Variants in SUPT6H observed in about 807,000 individuals in gnomAD.
SUPT6H encodes the protein transcription elongation factor SPT6.
Under a neutral mutation model 222.3 loss-of-function variants are expected in SUPT6H, and 11 were observed. That is an observed-to-expected ratio of 0.05 (90% CI 0.03 to 0.08). SUPT6H has a LOEUF of 0.08. Ranked by LOEUF, SUPT6H falls within the 10% of genes least tolerant of loss-of-function variation. SUPT6H has a pLI of 1.00. For synonymous variants in SUPT6H, 762 were observed against 801.2 expected (o/e 0.95, Z 0.83); for missense variants, 1,422 against 2,216.0 (o/e 0.64, Z 7.19).
chr17:28,697,989 C>T lies in SUPT6H; in HGVS notation c.4407C>T (p.Pro1469=), dbSNP rs765033047. The change falls in exon 32 of 37, where the codon CCC becomes CCT. Residue 1469 remains proline (P), a synonymous_variant. Transcript: ENST00000314616. ...TCATCTGTGCCTGCAAGGAACTGCC[C>T]GGCAAGTTCCTACTGGGATACCAGC... ...PYFICACKEL[P]GKFLLGYQPR... is the part of the protein sequence containing the mutation. 6.2e-7 allele frequency: 1 copy of T among 1,613,364 alleles called. No homozygotes were observed. Among genetic ancestry groups the T allele is most frequent in the Non-Finnish European group, 8.5e-7 (1 of 1,180,020 alleles).
rs1437182717 is a variant in SUPT6H at position 28,674,068 on chromosome 17, A to G, written c.110-215A>G. Among the ~76,000 whole-genome samples, 3 of 152,232 alleles carry G rather than the reference A, an allele frequency of 2.0e-5. No homozygotes were observed. The East Asian group carries it at 5.8e-4, about 29-fold the overall frequency. ...GTGACGGGGAAGATCATCCTGCCCA[A>G]AGACAGATGGTGAATGTAGGGGAAG... On this transcript the variant is annotated intron_variant, in intron 2 of 36. Transcript: ENST00000314616.
intron 36 of SUPT6H, 69 bp downstream of exon 36, chr17:28,701,197 C>A: frequency 6.5e-7 from 1 of 1,528,880 alleles, no homozygotes. Flanking sequence ...GGCCGAAAGG[C>A]TTAGCAGAGG....
At chr17:28,665,048 A>G (rs1040753402) in intron 1 of SUPT6H, among the ~76,000 whole-genome samples, 1 of 152,070 alleles carries the variant, frequency 6.6e-6, no homozygotes, top group Non-Finnish European at 1.5e-5. Flanking sequence ...CCTCCAGTTC[A>G]TTTTCCATGT....
chr17:28,662,958 C>G (rs1367095085), intron 1 of SUPT6H, among the ~76,000 whole-genome samples: 3 of 152,182 alleles, frequency 2.0e-5, no homozygotes, highest in South Asian at 2.1e-4. Context: ...AGTCAAAACT[C>G]CATCTTCTAG....
At chr17:28,693,670 A>G (rs748251957) in intron 27 of SUPT6H, 26 bp from the exon 28 acceptor site, 5 of 1,613,800 alleles carry the variant, frequency 3.1e-6, no homozygotes, top group Admixed American at 1.7e-5. Flanking sequence ...TTGATAATCA[A>G]GCTCTTCTCC....
rs1224049633 is a variant in SUPT6H, at chr17:28,676,198, A to G, written c.665A>G (p.Asp222Gly). The G allele has an allele frequency of 1.2e-6, 2 of 1,609,828 alleles. No homozygotes were observed. The highest frequency in any genetic ancestry group is 3.4e-5 in the Admixed American group (2 of 59,144). The change falls in exon 7 of 37, where the codon GAC becomes GGC. Residue 222 changes from aspartate to glycine, a missense_variant. This residue lies in a region of SUPT6H where 389 missense variants were observed against 544.6 expected (regional missense o/e 0.71). Transcript: ENST00000314616. Reference protein sequence around the residue: ...EAQEIFGVDFDYDEFEKYNEY... With the variant: ...EAQEIFGVDFGYDEFEKYNEY... ...CAGGAAATCTTCGGTGTGGACTTTGACTATGATGAATTTGAGAAATACAAT... is the reference window on the plus strand; with the variant it reads ...CAGGAAATCTTCGGTGTGGACTTTGGCTATGATGAATTTGAGAAATACAAT...
chr17:28,676,794 G>A (rs971293362), intron 7 of SUPT6H, among the ~76,000 whole-genome samples: 3 of 151,960 alleles, frequency 2.0e-5, no homozygotes, highest in African/African-American at 7.3e-5. Context: ...GGTTGTGATG[G>A]TGCACACCTG....
At chr17:28,673,602 A>T in intron 2 of SUPT6H, 92 bp downstream of exon 2, 1 of 921,310 alleles carries the variant, frequency 1.1e-6, no homozygotes, top group Non-Finnish European at 1.7e-6. Flanking sequence ...CTCAGCACAG[A>T]AGTTATCACA....
rs2031510102 is a variant in SUPT6H at position 28,688,695 on chromosome 17, T to C, written c.3134+477T>C. ...TTGACCTCTTCCTCTCCAGAAGTTA[T>C]CAACTCAGTCTTTGGAGGATCTTTT... On this transcript the variant is annotated intron_variant, in intron 24 of 36. Transcript: ENST00000314616. This position sits in a 1 kb window ranked among gnomAD's most constrained non-coding sequence, Gnocchi z 4.3. The C allele has an allele frequency of 6.5e-6, 1 of 154,016 alleles. No homozygotes were observed. Among genetic ancestry groups the C allele is most frequent in the Admixed American group, 6.5e-5 (1 of 15,478 alleles). 9.5% of individuals were successfully genotyped at this position (154,016 alleles called of 1,614,324 possible). A position where few individuals can be genotyped will look rare whatever the true frequency, so the allele number is the denominator to read the frequency against.
chr17:28,693,861 C>G (rs189525348), intron 28 of SUPT6H, 25 bp downstream of exon 28: 5 of 1,613,896 alleles, frequency 3.1e-6, no homozygotes, highest in Non-Finnish European at 1.7e-6. Flanking sequence ...GTCCTAAGGT[C>G]GTAGTGCAAT....
intron 17 of SUPT6H, 24 bp downstream of exon 17, chr17:28,683,840 T>A (rs1202442404): frequency 6.6e-7 from 1 of 1,519,716 alleles, no homozygotes; most frequent in Non-Finnish European, 8.9e-7. Context: ...CTCATGATTT[T>A]TTTTTTTTTT....
Position 28,701,620 on chromosome 17 carries a change from C to T in SUPT6H, c.5176C>T (p.Arg1726Trp), listed in dbSNP as rs763388655. ...CACCCCACTCCTGGACGAGATGGATCGGTAGGGGGCCTGCTCCTCGGACTC... is the reference window on the plus strand; with the variant it reads ...CACCCCACTCCTGGACGAGATGGATTGGTAGGGGGCCTGCTCCTCGGACTC... ...DATPLLDEMD[R>W] Residue 1726 changes from arginine (R) to tryptophan (W), a missense_variant, in exon 37 of 37, where the codon CGG becomes TGG. This residue lies in a region of SUPT6H where 395 missense variants were observed against 580.6 expected (regional missense o/e 0.68). Coordinates refer to ENST00000314616, the MANE Select transcript of SUPT6H (RefSeq NM_003170.5). 6.2e-7 allele frequency: 1 copy of T among 1,607,504 alleles called. No individual in the cohort carries two copies. The highest frequency in any genetic ancestry group is 8.5e-7 in the Non-Finnish European group (1 of 1,175,186).
rs565472627 is a variant in SUPT6H at position 28,701,455 on chromosome 17, G to A, written c.5011G>A (p.Ala1671Thr). The A allele has an allele frequency of 2.5e-6, 4 of 1,614,120 alleles. No individual in the cohort carries two copies. The highest frequency in any genetic ancestry group is 2.2e-5 in the South Asian group (2 of 91,086). Residue 1671 changes from alanine to threonine, a missense_variant, in exon 37 of 37, where the codon GCC becomes ACC. Around this residue, in one of 13 missense-constraint regions of SUPT6H, gnomAD observed 395 missense variants for 580.6 expected, o/e 0.68. Coordinates refer to ENST00000314616, the MANE Select transcript of SUPT6H (RefSeq NM_003170.5). ...QQQPKSNSHA[A>T]IDWGKMAEQW... ...CCCTCCCAGGTCCAACAGCCATGCA[G>A]CCATCGACTGGGGAAAAATGGCGGA...
intron 23 of SUPT6H, among the ~76,000 whole-genome samples, chr17:28,687,816 C>T (rs1173159644): frequency 6.6e-6 from 1 of 152,094 alleles, no homozygotes; most frequent in Non-Finnish European, 1.5e-5. Flanking sequence ...CTGCGCCCGG[C>T]CAACTAGTGT....
intron 10 of SUPT6H, 82 bp from the exon 11 acceptor site, chr17:28,678,739 C>T (rs2030908994): frequency 6.2e-7 from 1 of 1,611,428 alleles, no homozygotes. Context: ...TCCTCCCCCA[C>T]TAGGTTTCTG....
intron 23 of SUPT6H, 55 bp downstream of exon 23, chr17:28,687,526 A>C: frequency 6.4e-7 from 1 of 1,564,876 alleles, no homozygotes; most frequent in Non-Finnish European, 8.7e-7. Flanking sequence ...TTGAATATGA[A>C]TATATACTTT....
chr17:28,674,260 C>T (rs2030602272), intron 2 of SUPT6H, 23 bp from the exon 3 acceptor site: 1 of 1,613,554 alleles, frequency 6.2e-7, no homozygotes, highest in South Asian at 1.1e-5. Flanking sequence ...AGTCTCCATG[C>T]CTCAAACATG....
chr17:28,699,927 G>A (rs370064504), intron 33 of SUPT6H, 34 bp downstream of exon 33: 1 of 1,593,570 alleles, frequency 6.3e-7, no homozygotes, highest in Non-Finnish European at 8.6e-7. Flanking sequence ...CAGGGACGTG[G>A]CTGGAGGAAC....
chr17:28,666,907 C>G (rs2030058847), intron 1 of SUPT6H, among the ~76,000 whole-genome samples: 1 of 152,136 alleles, frequency 6.6e-6, no homozygotes, highest in African/African-American at 2.4e-5. Context: ...TGTATTTTAA[C>G]ATCTTGACTT....
Sources: gnomAD v4.1 joint callset for allele counts (sites outside exome capture counted in the v4.1 genomes callset) on GRCh38, gnomAD v4.1.1 for gene constraint, gnomAD v4.1.1 regional missense constraint, Gnocchi (gnomAD v3.1) non-coding constraint, MANE v1.5 for transcripts, NCBI Gene and HGNC (gene_info 2026-07-23, HGNC 2026-07-21) for gene names.